Variants in TANC1 observed in about 807,000 individuals in gnomAD.
The protein encoded by TANC1 is tetratricopeptide repeat, ankyrin repeat and coiled-coil containing 1.
TANC1 carries 77 observed loss-of-function variants against 149.7 expected under a neutral mutation model. That is an observed-to-expected ratio of 0.51 (90% CI 0.43 to 0.62). The LOEUF is 0.62. TANC1 is among the 20% of genes least tolerant of loss of function. The pLI is 0.00. For synonymous variants in TANC1, 854 were observed against 925.0 expected, an observed-to-expected ratio of 0.92 and a Z score of 1.39; for missense variants, 1,985 against 2,321.8, an observed-to-expected ratio of 0.85 and a Z score of 2.98.
chr2:159,052,780 A>G (rs564225160), intron 2 of TANC1, among the ~76,000 whole-genome samples: 3 of 152,360 alleles, frequency 2.0e-5, no homozygotes, highest in African/African-American at 7.2e-5. Context: ...ATGGAAATTA[A>G]CTGATTTTTG....
chr2:159,171,992 C>A, intron 10 of TANC1, 129 bp from the exon 11 acceptor site: 3 of 815,804 alleles, frequency 3.7e-6, no homozygotes, highest in South Asian at 1.9e-5. Context: ...CTCATGTGGA[C>A]CTCTGAATTT....
intron 2 of TANC1, among the ~76,000 whole-genome samples, chr2:159,062,067 G>A (rs377242677): frequency 1.1e-4 from 16 of 152,162 alleles, no homozygotes; most frequent in East Asian, 7.7e-4. Context: ...GTGAAACCCC[G>A]TCTCTACTAA....
At chr2:159,053,634 C>T (rs1210595680) in intron 2 of TANC1, among the ~76,000 whole-genome samples, 1 of 152,226 alleles carries the variant, frequency 6.6e-6, no homozygotes, top group African/African-American at 2.4e-5. Flanking sequence ...TTTCTCACTG[C>T]ATCCTGTCAC....
chr2:159,223,851 G>T, intron 22 of TANC1, among the ~76,000 whole-genome samples: 1 of 152,168 alleles, frequency 6.6e-6, no homozygotes, highest in Non-Finnish European at 1.5e-5. Context: ...CACTGCTGTG[G>T]CCTGCTCATT....
At chr2:158,992,375 A>AAG (rs1444912706) in intron 1 of TANC1, among the ~76,000 whole-genome samples, 1 of 152,022 alleles carries the variant, frequency 6.6e-6, no homozygotes, top group East Asian at 1.9e-4. Flanking sequence ...AAAAAAAAAA[A>AAG]AAAGAAAGTG....
intron 2 of TANC1, among the ~76,000 whole-genome samples, chr2:159,017,499 A>G (rs1278727934): frequency 6.6e-6 from 1 of 152,154 alleles, no homozygotes; most frequent in Non-Finnish European, 1.5e-5. Flanking sequence ...GGCCCTGTAA[A>G]TGTTAGGAAA....
intron 1 of TANC1, among the ~76,000 whole-genome samples, chr2:158,988,273 G>T (rs2035234788): frequency 6.7e-6 from 1 of 150,164 alleles, no homozygotes; most frequent in Non-Finnish European, 1.5e-5. Flanking sequence ...GTTGCAGTGA[G>T]CTGAGATCGG....
At chr2:159,117,998 T>A (rs2048466587) in intron 4 of TANC1, among the ~76,000 whole-genome samples, 1 of 151,958 alleles carries the variant, frequency 6.6e-6, no homozygotes, top group Non-Finnish European at 1.5e-5. Flanking sequence ...CTGGAGTTTT[T>A]CTCTACTGGT....
chr2:159,025,247 TCC>T (rs2039225474), intron 2 of TANC1, among the ~76,000 whole-genome samples: 3 of 150,592 alleles, frequency 2.0e-5, no homozygotes, highest in Admixed American at 2.0e-4. Flanking sequence ...CTTTTCTCCT[TCC>T]TTCTCCTTCC....
intron 4 of TANC1, among the ~76,000 whole-genome samples, chr2:159,133,041 T>C (rs2050266348): frequency 6.6e-6 from 1 of 152,170 alleles, no homozygotes; most frequent in South Asian, 2.1e-4. Flanking sequence ...TGCTTACTAT[T>C]AGAGAATAGT....
At position 159,074,486 on chromosome 2, in the gene TANC1, C is replaced by T. The variant is rs560484799; in HGVS notation, c.61+8515C>T. ...GAGGCTAAGAGCCTGGAGGTAGACT[C>T]CAGGTTAAGGATGGAAGAGAGCCAC... On this transcript the variant is annotated intron_variant, in intron 3 of 26. Coordinates refer to ENST00000263635, the MANE Select transcript of TANC1 (RefSeq NM_033394.3). Among the ~76,000 whole-genome samples, 8 of 152,180 alleles carry T rather than the reference C, an allele frequency of 5.3e-5. No individual in the cohort carries two copies. The South Asian group carries it at 1.7e-3, about 32-fold the overall frequency.
Position 159,217,371 on chromosome 2 carries a change from G to A in TANC1, c.3245-126G>A, listed in dbSNP as rs563999932. ...TGGTCAAAGCTGTCACAGAGCCCCC[G>A]CAGGTTCAAAGGGGGAGGACATATA... On this transcript the variant is annotated intron_variant, in intron 19 of 26. Transcript: ENST00000263635. The A allele has an allele frequency of 1.2e-4, 153 of 1,225,796 alleles. No homozygotes were observed. The African/African-American group carries it at 2.2e-3, about 17-fold the overall frequency. 75.9% of individuals were successfully genotyped at this position (1,225,796 alleles called of 1,614,324 possible).
At chr2:159,201,239 G>T (rs956492495) in intron 19 of TANC1, among the ~76,000 whole-genome samples, 2 of 152,178 alleles carry the variant, frequency 1.3e-5, no homozygotes, top group African/African-American at 4.8e-5. Context: ...CTGAAATCTT[G>T]CAGGGGGTTT....
At chr2:159,041,690 C>T (rs1417955848) in intron 2 of TANC1, among the ~76,000 whole-genome samples, 1 of 152,152 alleles carries the variant, frequency 6.6e-6, no homozygotes, top group African/African-American at 2.4e-5. Context: ...TACAGTCTGC[C>T]ACGGCTTCCC....
At chr2:159,224,101 T>C in intron 22 of TANC1, 131 bp from the exon 23 acceptor site, 2 of 1,054,552 alleles carry the variant, frequency 1.9e-6, no homozygotes, top group South Asian at 3.0e-5. Flanking sequence ...CCACTTTATT[T>C]CTAGTCTAGG....
intron 19 of TANC1, among the ~76,000 whole-genome samples, chr2:159,208,433 T>G (rs2058766737): frequency 6.6e-6 from 1 of 152,232 alleles, no homozygotes; most frequent in Admixed American, 6.5e-5. Context: ...GTTGGCAATT[T>G]GAGGTTCCTG....
intron 3 of TANC1, among the ~76,000 whole-genome samples, chr2:159,079,346 C>CTTTTTTTTTTTTTTTT (rs68143585): frequency 9.1e-6 from 1 of 109,918 alleles, no homozygotes; most frequent in South Asian, 3.4e-4. Flanking sequence ...GTGTGTGTGT[C>CTTTTTTTTTTTTTTTT]TTTTTTTTTT....
rs1168386078 is a variant in TANC1, at chr2:159,149,196, C to T, written c.419C>T (p.Thr140Ile). ...TCGCCGGCAGCTCAAGAACTGTTGA[C>T]AAGGCTGGGATTTTTACTGGGAGAA... ...SCSPAAQELL[T>I]RLGFLLGEGI... Residue 140 changes from threonine to isoleucine, a missense_variant, in exon 6 of 27, where the codon ACA (threonine) becomes ATA (isoleucine). This residue lies in a region of TANC1 where 557 missense variants were observed against 612.9 expected (regional missense o/e 0.91). Transcript: ENST00000263635. 1.9e-6 allele frequency: 3 copies of T among 1,613,768 alleles called. No individual in the cohort carries two copies. Among genetic ancestry groups the T allele is most frequent in the Middle Eastern group, 1.7e-4 (1 of 6,060 alleles).
intron 14 of TANC1, among the ~76,000 whole-genome samples, chr2:159,185,458 G>A (rs1337949611): frequency 1.3e-5 from 2 of 152,150 alleles, no homozygotes; most frequent in South Asian, 2.1e-4. Context: ...CACCTAGCAC[G>A]GCCTGGCTTT....
Sources: gnomAD v4.1 joint callset for allele counts (sites outside exome capture counted in the v4.1 genomes callset) on GRCh38, gnomAD v4.1.1 for gene constraint, gnomAD v4.1.1 regional missense constraint, MANE v1.5 for transcripts, NCBI Gene and HGNC (gene_info 2026-07-23, HGNC 2026-07-21) for gene names.